Variants in CRISPLD1 observed in about 807,000 individuals in gnomAD.
CRISPLD1 encodes cysteine rich secretory protein LCCL domain containing 1, also known as cysteine-rich secretory protein LCCL domain-containing 1.
A neutral mutation model predicts 77.5 loss-of-function variants in CRISPLD1; 60 were observed. The observed-to-expected ratio is 0.77, with a 90% confidence interval of 0.63 to 0.96. The LOEUF is 0.96. Among genes scored for constraint, CRISPLD1 ranks in the 40% least tolerant of loss-of-function variants. CRISPLD1 has a pLI of 0.00. For synonymous variants in CRISPLD1, 195 were observed against 200.1 expected (o/e 0.97, Z 0.22); for missense variants, 623 against 615.8 (o/e 1.01, Z -0.12).
chr8:75,001,492 T>TAGTACTTTAAAA (rs1220094636), intron 2 of CRISPLD1, among the ~76,000 whole-genome samples: 2 of 152,144 alleles, frequency 1.3e-5, no homozygotes, highest in African/African-American at 4.8e-5. Context: ...AAGTACAAAG[T>TAGTACTTTAAAA]AGTATATTTT....
chr8:75,017,731 T>A (rs1319375885), intron 10 of CRISPLD1, among the ~76,000 whole-genome samples: 1 of 152,156 alleles, frequency 6.6e-6, no homozygotes, highest in African/African-American at 2.4e-5. Context: ...AAGCAATACA[T>A]TTTTTAGCTT....
intron 2 of CRISPLD1, among the ~76,000 whole-genome samples, chr8:74,996,530 G>A (rs1812647710): frequency 6.6e-6 from 1 of 151,940 alleles, no homozygotes; most frequent in South Asian, 2.1e-4. Context: ...GAATTACAAG[G>A]AGTCAGCTAA....
At chr8:75,020,264 C>A (rs1289694075) in intron 12 of CRISPLD1, among the ~76,000 whole-genome samples, 185 bp downstream of exon 12, 1 of 152,220 alleles carries the variant, frequency 6.6e-6, no homozygotes, top group African/African-American at 2.4e-5. Flanking sequence ...CAAAAGTATT[C>A]TCTGCTATTT....
chr8:74,984,672 C>T lies in CRISPLD1; in HGVS notation c.-311C>T, dbSNP rs1812468934. ...CCCTGGCAGACTAACGAAGCAGCTCCCTTCCCACCCCAACTGCAGGTCTAA... is the reference window on the plus strand; with the variant it reads ...CCCTGGCAGACTAACGAAGCAGCTCTCTTCCCACCCCAACTGCAGGTCTAA... On this transcript the variant is annotated 5_prime_UTR_variant, in exon 1 of 15. Transcript: ENST00000262207. 6.6e-6 allele frequency: 1 copy of T among 152,352 alleles called. No homozygotes were observed. Among genetic ancestry groups the T allele is most frequent in the Non-Finnish European group, 1.5e-5 (1 of 68,128 alleles). The allele number at this position is 152,352 out of a possible 1,614,324, so 9.4% of individuals were successfully genotyped here. A position where few individuals can be genotyped will look rare whatever the true frequency, so the allele number is the denominator to read the frequency against.
chr8:75,033,255 A>T lies in CRISPLD1; in HGVS notation c.*1013A>T, dbSNP rs981456244. The T allele has an allele frequency of 3.3e-5, 5 of 152,186 alleles. No homozygotes were observed. The highest frequency in any genetic ancestry group is 7.4e-5 in the Non-Finnish European group (5 of 67,816). 9.4% of individuals were successfully genotyped at this position (152,186 alleles called of 1,614,324 possible). ...TTCTGCTGGTGGATTTACATATTAA[A>T]TTTTTTCTGCTGGTGGATAAACATT... On this transcript the variant is annotated 3_prime_UTR_variant, in exon 15 of 15. Coordinates refer to ENST00000262207, the MANE Select transcript of CRISPLD1 (RefSeq NM_031461.6).
At chr8:75,011,321 T>C (rs958464579) in intron 2 of CRISPLD1, among the ~76,000 whole-genome samples, 15 of 128,396 alleles carry the variant, frequency 1.2e-4, no homozygotes, top group African/African-American at 4.5e-4. Context: ...TTCCCCTTCC[T>C]GTGTCCATGT....
intron 5 of CRISPLD1, 44 bp downstream of exon 5, chr8:75,014,146 C>CA: frequency 8.0e-7 from 1 of 1,254,646 alleles, no homozygotes; most frequent in African/African-American, 1.5e-5. Flanking sequence ...TTTTTCTTAA[C>CA]AAAATGAAAA....
Position 75,018,664 on chromosome 8 carries a change from A to T in CRISPLD1, c.1128-1206A>T, listed in dbSNP as rs1003713068. Among the ~76,000 whole-genome samples, 9 of 151,504 alleles carry T rather than the reference A, an allele frequency of 5.9e-5. No homozygotes were observed. In the East Asian group the frequency reaches 1.6e-3, roughly 26 times the overall value. ...ATAACTCTTTTTAGCCAAAAAAAAAATTTTTTTTAAAGACAGTCTCACAAG... is the reference window on the plus strand; with the variant it reads ...ATAACTCTTTTTAGCCAAAAAAAAATTTTTTTTTAAAGACAGTCTCACAAG... On this transcript the variant is annotated intron_variant, in intron 10 of 14. Coordinates refer to ENST00000262207, the MANE Select transcript of CRISPLD1 (RefSeq NM_031461.6).
At chr8:75,030,125 CATT>C (rs1813307728) in intron 14 of CRISPLD1, among the ~76,000 whole-genome samples, 3 of 152,116 alleles carry the variant, frequency 2.0e-5, no homozygotes, top group Admixed American at 2.0e-4. Flanking sequence ...TTTTTAAAAT[CATT>C]ATTACTTATA....
Position 74,990,034 on chromosome 8 carries a change from G to A in CRISPLD1, c.258+3789G>A, listed in dbSNP as rs1320280385. On this transcript the variant is annotated intron_variant, in intron 2 of 14. Transcript: ENST00000262207. ...AAATCTCCTATGTTCTCACTTACATGTGGGAGCTTAAATACTATGTGCACA... is the reference window on the plus strand; with the variant it reads ...AAATCTCCTATGTTCTCACTTACATATGGGAGCTTAAATACTATGTGCACA... Among the ~76,000 whole-genome samples the A allele has an allele frequency of 2.0e-5, 3 of 152,272 alleles. No individual in the cohort carries two copies. The East Asian group carries it at 5.8e-4, about 29-fold the overall frequency.
At chr8:74,998,626 T>C (rs1812681964) in intron 2 of CRISPLD1, among the ~76,000 whole-genome samples, 1 of 141,884 alleles carries the variant, frequency 7.0e-6, no homozygotes, top group Non-Finnish European at 1.5e-5. Context: ...AGACGGAGGT[T>C]TTAGTGAGCC....
intron 2 of CRISPLD1, among the ~76,000 whole-genome samples, chr8:75,007,524 C>T (rs1440678526): frequency 1.3e-5 from 2 of 151,932 alleles, no homozygotes; most frequent in Non-Finnish European, 2.9e-5. Flanking sequence ...TATTTTAGTA[C>T]TAAAGTTACT....
intron 2 of CRISPLD1, among the ~76,000 whole-genome samples, chr8:74,987,199 C>A (rs10957744): frequency 0.17 from 26,399 of 151,866 alleles, 2,506 homozygotes; most frequent in African/African-American, 0.25. Context: ...TCCTATTGCC[C>A]GTTATAAAGT....
chr8:75,025,113 A>T (rs1166949138), intron 12 of CRISPLD1, among the ~76,000 whole-genome samples: 1 of 152,244 alleles, frequency 6.6e-6, no homozygotes, highest in East Asian at 1.9e-4. Context: ...CCATTTAAAG[A>T]TGATAATTAA....
intron 2 of CRISPLD1, among the ~76,000 whole-genome samples, chr8:74,991,818 A>T: frequency 6.6e-6 from 1 of 152,184 alleles, no homozygotes; most frequent in East Asian, 1.9e-4. Flanking sequence ...GAGCCACCAG[A>T]CCCGGCCACA....
intron 2 of CRISPLD1, among the ~76,000 whole-genome samples, chr8:75,004,818 C>T (rs1014893080): frequency 2.6e-5 from 4 of 152,036 alleles, no homozygotes; most frequent in South Asian, 2.1e-4. Context: ...TGAAAAATTC[C>T]GGTGTTCCTG....
At chr8:74,996,146 ATTTAG>A (rs1812643922) in intron 2 of CRISPLD1, among the ~76,000 whole-genome samples, 2 of 150,922 alleles carry the variant, frequency 1.3e-5, no homozygotes, top group South Asian at 4.2e-4. Context: ...TATGTGTGAT[ATTTAG>A]TTTACAGAAA....
At chr8:75,010,403 A>T (rs1812908868) in intron 2 of CRISPLD1, among the ~76,000 whole-genome samples, 1 of 152,130 alleles carries the variant, frequency 6.6e-6, no homozygotes, top group South Asian at 2.1e-4. Context: ...AAAGCAAGTG[A>T]ACAAATTCTC....
intron 2 of CRISPLD1, among the ~76,000 whole-genome samples, chr8:74,997,295 A>T (rs938796486): frequency 6.6e-6 from 1 of 152,146 alleles, no homozygotes; most frequent in Non-Finnish European, 1.5e-5. Context: ...GTATGTTCTG[A>T]TGGGATTCCC....
Sources: allele counts gnomAD v4.1 joint callset (sites outside exome capture counted in the v4.1 genomes callset), GRCh38; gene constraint gnomAD v4.1.1; transcripts MANE v1.5; gene names NCBI Gene and HGNC (gene_info 2026-07-23, HGNC 2026-07-21).